SCART1: variants seen among roughly 807,000 people sequenced by gnomAD.
SCART1 encodes the protein scavenger receptor family member expressed on T cells 1, also known as scavenger receptor cysteine-rich domain-containing protein SCART1.
In SCART1, 62 loss-of-function variants were observed where a neutral mutation model predicts 36.2. The ratio of observed to expected loss-of-function variants is 1.71; its 90% CI spans 1.40 to 2.12. SCART1 has a LOEUF of 2.12. SCART1 is among the 30% of genes most tolerant of loss of function. The probability of loss-of-function intolerance (pLI) is 0.00; values close to 1 mark genes in which losing one functional copy is unlikely to be tolerated. For synonymous variants in SCART1, 487 were observed against 238.7 expected (o/e 2.04, Z -9.59); for missense variants, 1,041 against 540.5 (o/e 1.93, Z -9.18).
chr10:133,467,876 G>T lies in SCART1; in HGVS notation c.2992G>T (p.Gly998Ter). 1 of 694,702 alleles carries T rather than the reference G, an allele frequency of 1.4e-6. No homozygotes were observed. Among genetic ancestry groups the T allele is most frequent in the Non-Finnish European group, 2.6e-6 (1 of 378,940 alleles). The allele number at this position is 694,702 out of a possible 1,614,324, so 43.0% of individuals were successfully genotyped here. A position where few individuals can be genotyped will look rare whatever the true frequency, so the allele number is the denominator to read the frequency against. Residue 998 changes from glycine (G) to a stop codon, truncating the protein, a stop_gained, in exon 12 of 12, where the codon GGA becomes TGA. Coordinates refer to ENST00000640237, the Ensembl canonical transcript of SCART1. LOFTEE classifies it high-confidence loss of function. Reference sequence around the variant, plus strand: ...AGGGGAGGTGTCTAACCTCCTGGAGGGACAGTCTATACGTGCGGAGGGAGG... The same window carrying T: ...AGGGGAGGTGTCTAACCTCCTGGAGTGACAGTCTATACGTGCGGAGGGAGG...
intron 1 of SCART1, 108 bp downstream of exon 1, chr10:133,454,172 G>T: frequency 1.5e-6 from 1 of 688,450 alleles, no homozygotes; most frequent in Non-Finnish European, 2.7e-6. Context: ...GTCTGCCTGG[G>T]TCTCACTCAG....
At chr10:133,460,356 G>A (rs1467872688) in intron 6 of SCART1, among the ~76,000 whole-genome samples, 186 bp downstream of exon 6, 1 of 151,694 alleles carries the variant, frequency 6.6e-6, no homozygotes, top group Non-Finnish European at 1.5e-5. Context: ...CTTTGGTTCC[G>A]TGCACCTGGG....
At position 133,459,164 on chromosome 10, in the gene SCART1, G is replaced by A. The variant is rs570242962; in HGVS notation, c.1123G>A (p.Val375Met). The change falls in exon 5 of 12, where the codon GTG becomes ATG. Residue 375 changes from valine to methionine, a missense_variant. Transcript: ENST00000640237. Reference sequence around the variant, plus strand: ...CCACCAGCTCAACTGTGGCAACGCGGTGGCCGCACCTGGAGGAGGCCATTT... The same window carrying A: ...CCACCAGCTCAACTGTGGCAACGCGATGGCCGCACCTGGAGGAGGCCATTT... The A allele has an allele frequency of 2.6e-4, 185 of 702,960 alleles. 2 individuals are homozygous for A. The highest frequency in any genetic ancestry group is 2.1e-3 in the South Asian group (139 of 67,596). 43.5% of individuals were successfully genotyped at this position (702,960 alleles called of 1,614,324 possible). A position where few individuals can be genotyped will look rare whatever the true frequency, so the allele number is the denominator to read the frequency against.
intron 7 of SCART1, 90 bp downstream of exon 7, chr10:133,465,001 T>C (rs989820043): frequency 5.3e-5 from 37 of 700,184 alleles, no homozygotes; most frequent in Admixed American, 3.2e-4. Flanking sequence ...TTACAGGGGA[T>C]GCCATTCAAT....
chr10:133,468,332 C>T (rs1850785969), exon 12 of SCART1: 1 of 181,140 alleles, frequency 5.5e-6, no homozygotes. Context: ...CTCCCCATGC[C>T]AGAACCTTCC....
intron 1 of SCART1, among the ~76,000 whole-genome samples, chr10:133,454,992 C>T (rs776563536): frequency 4.6e-5 from 7 of 152,118 alleles, no homozygotes; most frequent in Non-Finnish European, 7.4e-5. Flanking sequence ...TCATAGCGGG[C>T]GTGGTGGCTT....
chr10:133,460,698 G>A (rs1048018246), intron 6 of SCART1, among the ~76,000 whole-genome samples: 6 of 151,344 alleles, frequency 4.0e-5, no homozygotes, highest in African/African-American at 1.2e-4. Flanking sequence ...ACTGCCGCTG[G>A]CTTCAGATTC....
intron 2 of SCART1, 76 bp from the exon 3 acceptor site, chr10:133,457,203 C>T (rs1850627801): frequency 3.0e-6 from 2 of 677,366 alleles, no homozygotes; most frequent in Non-Finnish European, 5.3e-6. Flanking sequence ...ACTGTCCTCC[C>T]TGAAAAAGGA....
At chr10:133,466,306 T>G (rs2243909) in exon 10 of SCART1, 541,643 of 702,328 alleles carry the variant, frequency 0.77, 210,863 homozygotes, top group South Asian at 0.84. Context: ...CGTCCTGGGA[T>G]CCCTTCTTGG....
chr10:133,457,889 AGAG>A (rs34453377), intron 3 of SCART1: 47,595 of 523,868 alleles, frequency 0.091, 2,702 homozygotes, highest in Non-Finnish European at 0.12. Flanking sequence ...GGGGTTGGGT[AGAG>A]GTCACTTCTT....
intron 1 of SCART1, among the ~76,000 whole-genome samples, chr10:133,454,765 C>T (rs911010197): frequency 1.2e-4 from 18 of 152,124 alleles, no homozygotes; most frequent in Admixed American, 3.9e-4. Flanking sequence ...TGGTGCTGGA[C>T]GGAGCCACAT....
chr10:133,460,068 C>T lies in SCART1; in HGVS notation c.1867C>T (p.Leu623=), dbSNP rs751900582. The T allele has an allele frequency of 1.3e-4, 66 of 511,482 alleles. No homozygotes were observed. In the East Asian group the frequency reaches 2.1e-3, roughly 16 times the overall value. 31.7% of individuals were successfully genotyped at this position (511,482 alleles called of 1,614,324 possible). A position where few individuals can be genotyped will look rare whatever the true frequency, so the allele number is the denominator to read the frequency against. ...GGCAGGGCGCATCTGGCTGGACGAG[C>T]TGGGCTGCCAGGGCCACGAGTCTGC... Residue 623 remains leucine, a synonymous_variant, in exon 6 of 12, where the codon CTG becomes TTG. Coordinates refer to ENST00000640237, the Ensembl canonical transcript of SCART1.
At chr10:133,457,556 C>A in exon 3 of SCART1, 1 of 700,810 alleles carries the variant, frequency 1.4e-6, no homozygotes, top group Non-Finnish European at 2.6e-6. Context: ...TGCGGCTGGA[C>A]GCAGAGGTGG....
At chr10:133,460,502 A>T (rs1224029553) in intron 6 of SCART1, among the ~76,000 whole-genome samples, 6 of 133,392 alleles carry the variant, frequency 4.5e-5, no homozygotes, top group East Asian at 2.2e-4. Flanking sequence ...ATATATTTTA[A>T]AAAATATTTT....
At chr10:133,466,780 G>C (rs1242328825) in intron 10 of SCART1, among the ~76,000 whole-genome samples, 2 of 152,240 alleles carry the variant, frequency 1.3e-5, no homozygotes, top group African/African-American at 2.4e-5. Context: ...AGAAATCTTA[G>C]AGGCCTTCCC....
At chr10:133,455,060 A>G (rs1345739316) in intron 1 of SCART1, among the ~76,000 whole-genome samples, 2 of 152,138 alleles carry the variant, frequency 1.3e-5, no homozygotes, top group African/African-American at 4.8e-5. Context: ...TGAGGTCATG[A>G]GTTCGAGATC....
intron 1 of SCART1, among the ~76,000 whole-genome samples, chr10:133,455,805 C>G (rs1300932664): frequency 1.3e-5 from 2 of 151,872 alleles, no homozygotes; most frequent in Non-Finnish European, 2.9e-5. Context: ...AGGACAGGAC[C>G]GAAGGGTGAG....
intron 3 of SCART1, 101 bp downstream of exon 3, chr10:133,457,676 C>G: frequency 3.4e-6 from 2 of 586,836 alleles, no homozygotes; most frequent in Non-Finnish European, 6.0e-6. Context: ...CACGGATGGG[C>G]CCCCCTGTCC....
chr10:133,469,136 A>G (rs796123265), exon 12 of SCART1: 5 of 152,302 alleles, frequency 3.3e-5, no homozygotes, highest in African/African-American at 1.2e-4. Context: ...ACCAGTGATG[A>G]TGAACTTTTT....
Sources: allele counts gnomAD v4.1 joint callset (sites outside exome capture counted in the v4.1 genomes callset), GRCh38; gene constraint gnomAD v4.1.1; transcripts MANE v1.5; gene names NCBI Gene and HGNC (gene_info 2026-07-23, HGNC 2026-07-21).